PRKAA1: variants seen among roughly 807,000 people sequenced by gnomAD.
The protein encoded by PRKAA1 is protein kinase AMP-activated catalytic subunit alpha 1.
Under a neutral mutation model 56.9 loss-of-function variants are expected in PRKAA1, and 23 were observed. The ratio of observed to expected loss-of-function variants is 0.40; its 90% CI spans 0.29 to 0.57. PRKAA1 has a LOEUF of 0.57. Ranked by LOEUF, PRKAA1 falls within the 20% of genes least tolerant of loss-of-function variation. The probability of loss-of-function intolerance (pLI) is 0.39; values close to 1 mark genes in which losing one functional copy is unlikely to be tolerated. For synonymous variants in PRKAA1, 226 were observed against 227.0 expected, an observed-to-expected ratio of 1.00 and a Z score of 0.04; for missense variants, 413 against 679.7, an observed-to-expected ratio of 0.61 and a Z score of 4.36.
chr5:40,769,105 T>A (rs1743605620), intron 5 of PRKAA1, among the ~76,000 whole-genome samples: 1 of 152,290 alleles, frequency 6.6e-6, no homozygotes, highest in South Asian at 2.1e-4. Flanking sequence ...AAGTAAATAG[T>A]AATCCTTTTC....
At chr5:40,790,530 T>C (rs1744674503) in intron 1 of PRKAA1, among the ~76,000 whole-genome samples, 1 of 151,616 alleles carries the variant, frequency 6.6e-6, no homozygotes, top group African/African-American at 2.4e-5. Flanking sequence ...TCTTTCTTTT[T>C]TTTTTTTTTT....
At chr5:40,775,913 C>T (rs1218518276) in intron 2 of PRKAA1, among the ~76,000 whole-genome samples, 1 of 151,836 alleles carries the variant, frequency 6.6e-6, no homozygotes, top group Admixed American at 6.6e-5. Flanking sequence ...TTGGCATGTT[C>T]GAGGAATATT....
Position 40,777,428 on chromosome 5 carries a change from A to AC in PRKAA1, c.269+16_269+17insG, listed in dbSNP as rs200312708. On this transcript the variant is annotated intron_variant, in intron 2 of 8. Transcript: ENST00000397128. ...TGAAAAGATGACTGGACTATATTTA[A>AC]TATAAACAGAGCTTACAGTTTAATT... 1.0e-5 allele frequency: 15 copies of AC among 1,471,238 alleles called. No individual in the cohort carries two copies. In the East Asian group the frequency reaches 3.8e-4, roughly 37 times the overall value. 91.1% of individuals were successfully genotyped at this position (1,471,238 alleles called of 1,614,324 possible). A position where few individuals can be genotyped will look rare whatever the true frequency, so the allele number is the denominator to read the frequency against.
chr5:40,780,842 C>T (rs1026216123), intron 1 of PRKAA1, among the ~76,000 whole-genome samples: 1 of 152,202 alleles, frequency 6.6e-6, no homozygotes, highest in Non-Finnish European at 1.5e-5. Flanking sequence ...TCCACTCAGA[C>T]TCACATACTA....
chr5:40,765,457 T>C (rs761068572), intron 6 of PRKAA1, among the ~76,000 whole-genome samples: 1 of 152,140 alleles, frequency 6.6e-6, no homozygotes, highest in East Asian at 1.9e-4. Context: ...GGAGAATGTA[T>C]TGACACAGCA....
At chr5:40,779,792 A>T (rs1744185765) in intron 1 of PRKAA1, among the ~76,000 whole-genome samples, 2 of 152,188 alleles carry the variant, frequency 1.3e-5, no homozygotes, top group Non-Finnish European at 2.9e-5. Context: ...CAAAACGGAC[A>T]TCTCTTCATT....
intron 1 of PRKAA1, among the ~76,000 whole-genome samples, chr5:40,797,183 G>A (rs1399522666): frequency 6.6e-6 from 1 of 152,156 alleles, no homozygotes; most frequent in African/African-American, 2.4e-5. Flanking sequence ...TAGTGTACCC[G>A]TCACCCGAAT....
In PRKAA1 at chr5:40,762,691, T is replaced by G; in HGVS notation, c.*87A>C. Reference sequence around the variant, plus strand: ...AAACGCCAGCCCTCGGTTATAATTATGTATAACTTGATTACAAATGGAAGC... The same window carrying G: ...AAACGCCAGCCCTCGGTTATAATTAGGTATAACTTGATTACAAATGGAAGC... On this transcript the variant is annotated 3_prime_UTR_variant, in exon 9 of 9. Coordinates refer to ENST00000397128, the MANE Select transcript of PRKAA1 (RefSeq NM_006251.6). The G allele has an allele frequency of 6.6e-7, 1 of 1,522,846 alleles. No individual in the cohort carries two copies. Among genetic ancestry groups the G allele is most frequent in the Non-Finnish European group, 8.9e-7 (1 of 1,119,312 alleles). The allele number at this position is 1,522,846 out of a possible 1,614,324, so 94.3% of individuals were successfully genotyped here.
chr5:40,788,526 C>A (rs1744587836), intron 1 of PRKAA1, among the ~76,000 whole-genome samples: 1 of 152,114 alleles, frequency 6.6e-6, no homozygotes. Context: ...TGACATCAAA[C>A]TAAAAAGCTT....
chr5:40,792,090 T>C (rs1389627029), intron 1 of PRKAA1, among the ~76,000 whole-genome samples: 1 of 152,370 alleles, frequency 6.6e-6, no homozygotes, highest in African/African-American at 2.4e-5. Context: ...TAGTCCCCTA[T>C]ACTGAGCAAC....
chr5:40,788,239 T>C (rs1579754770), intron 1 of PRKAA1, among the ~76,000 whole-genome samples: 1 of 152,316 alleles, frequency 6.6e-6, no homozygotes, highest in Non-Finnish European at 1.5e-5. Context: ...CAATGGATTT[T>C]TGACAAAGGT....
rs1743139649 is a variant in PRKAA1 at position 40,760,542 on chromosome 5, T to C, written c.*2236A>G. The C allele has an allele frequency of 6.5e-6, 1 of 152,844 alleles. No individual in the cohort carries two copies. The highest frequency in any genetic ancestry group is 2.1e-4 in the South Asian group (1 of 4,828). 9.5% of individuals were successfully genotyped at this position (152,844 alleles called of 1,614,324 possible). A position where few individuals can be genotyped will look rare whatever the true frequency, so the allele number is the denominator to read the frequency against. ...AACATTATGCTGCACTTAGAGACCC[T>C]AAGTAAAATTAGAATCCCCTAAAGA... On this transcript the variant is annotated 3_prime_UTR_variant, in exon 9 of 9. Transcript: ENST00000397128.
chr5:40,769,324 A>G (rs1483756755), intron 5 of PRKAA1, 92 bp downstream of exon 5: 1 of 1,005,708 alleles, frequency 9.9e-7, no homozygotes, highest in Admixed American at 2.4e-5. Context: ...CTTTCCTTTC[A>G]TTAGAATTAA....
At position 40,764,542 on chromosome 5, in the gene PRKAA1, A is replaced by C; in HGVS notation, c.1407T>G (p.Thr469=). The change falls in exon 8 of 9, where the codon ACT becomes ACG. Residue 469 remains threonine, a synonymous_variant. Coordinates refer to ENST00000397128, the MANE Select transcript of PRKAA1 (RefSeq NM_006251.6). ...SLQLYQVDSR[T]YLLDFRSIDD... ...CAATACTACGGAAATCCAGTAGATA[A>C]GTTCTACTATCCACTTGGTATAACT... 6.2e-7 allele frequency: 1 copy of C among 1,611,810 alleles called. No homozygotes were observed. Among genetic ancestry groups the C allele is most frequent in the South Asian group, 1.1e-5 (1 of 90,978 alleles).
chr5:40,784,090 A>G (rs1744372553), intron 1 of PRKAA1, among the ~76,000 whole-genome samples: 1 of 152,212 alleles, frequency 6.6e-6, no homozygotes, highest in Admixed American at 6.5e-5. Context: ...AATGCCTGGC[A>G]TATAGCAAGT....
chr5:40,782,014 C>CT (rs1264448357), intron 1 of PRKAA1, among the ~76,000 whole-genome samples: 1 of 152,182 alleles, frequency 6.6e-6, no homozygotes, highest in African/African-American at 2.4e-5. Flanking sequence ...AAGCATGGTG[C>CT]TAAACACATC....
chr5:40,764,981 G>C lies in PRKAA1; in HGVS notation c.1079C>G (p.Ser360Cys), dbSNP rs1030169288. ...DFYLATSPPD[S>C]FLDDHHLTRP... is the part of the protein sequence containing the mutation. ...AGTCAGGTGATGATCATCAAGAAAAGAATCAGGTGGGCTTGTCGCCAAATA... is the reference window on the plus strand; with the variant it reads ...AGTCAGGTGATGATCATCAAGAAAACAATCAGGTGGGCTTGTCGCCAAATA... Residue 360 changes from serine to cysteine, a missense_variant, in exon 7 of 9, where the codon TCT becomes TGT. Transcript: ENST00000397128. 5 of 1,614,038 alleles carry C rather than the reference G, an allele frequency of 3.1e-6. No individual in the cohort carries two copies. Among genetic ancestry groups the C allele is most frequent in the African/African-American group, 2.7e-5 (2 of 74,920 alleles).
intron 3 of PRKAA1, among the ~76,000 whole-genome samples, chr5:40,774,288 C>T (rs957722154): frequency 6.6e-6 from 1 of 152,068 alleles, no homozygotes; most frequent in African/African-American, 2.4e-5. Flanking sequence ...CAGAACAAGA[C>T]GGAACAGAGG....
intron 1 of PRKAA1, among the ~76,000 whole-genome samples, chr5:40,791,028 C>G (rs1185377147): frequency 2.0e-5 from 3 of 152,134 alleles, no homozygotes; most frequent in Non-Finnish European, 4.4e-5. Flanking sequence ...TTCCGACTCC[C>G]AAGTCTTTTG....
Sources: gnomAD v4.1 joint callset for allele counts (sites outside exome capture counted in the v4.1 genomes callset) on GRCh38, gnomAD v4.1.1 for gene constraint, MANE v1.5 for transcripts, NCBI Gene and HGNC (gene_info 2026-07-23, HGNC 2026-07-21) for gene names.